The following PUM1 variants were observed in gnomAD, a reference collection of about 807,000 sequenced individuals.
PUM1 encodes the protein pumilio homolog 1.
In PUM1, 13 loss-of-function variants were observed where a neutral mutation model predicts 131.8. That is an observed-to-expected ratio of 0.10 (90% CI 0.06 to 0.16). The LOEUF is 0.16. Among genes scored for constraint, PUM1 ranks in the 10% least tolerant of loss-of-function variants. The pLI, the probability that PUM1 is intolerant of heterozygous loss-of-function variation, is 1.00. For synonymous variants in PUM1, 509 were observed against 556.5 expected (o/e 0.91, Z 1.20); for missense variants, 961 against 1,512.4 (o/e 0.64, Z 6.05).
rs370303854 is a variant in PUM1 at position 31,052,052 on chromosome 1, G to A, written c.363+7152C>T. On this transcript the variant is annotated intron_variant, in intron 2 of 21. Transcript: ENST00000426105. ...TTTGGAGACGGAGTCTTGCTCTGTC[G>A]CCCAGGCTGGAGGGCAGTGGTGCGA... 5.2e-4 allele frequency among the ~76,000 whole-genome samples: 79 copies of A among 151,782 alleles called. 1 individual carries two copies. Among genetic ancestry groups the A allele is most frequent in the African/African-American group, 1.8e-3 (73 of 41,370 alleles).
At chr1:30,936,331 G>A (rs1639209149) in intron 21 of PUM1, among the ~76,000 whole-genome samples, 1 of 152,198 alleles carries the variant, frequency 6.6e-6, no homozygotes, top group Admixed American at 6.5e-5. Flanking sequence ...GAACAGAAGG[G>A]AGGAGTGAGA....
At chr1:31,038,984 A>ATATATATATATATATATTT in intron 2 of PUM1, among the ~76,000 whole-genome samples, 7 of 49,404 alleles carry the variant, frequency 1.4e-4, no homozygotes, top group African/African-American at 4.1e-4. Flanking sequence ...ATATATATAT[A>ATATATATATATATATATTT]TTTTTTTTTT....
intron 3 of PUM1, among the ~76,000 whole-genome samples, chr1:31,024,775 C>T (rs921706607): frequency 5.9e-5 from 9 of 152,132 alleles, no homozygotes; most frequent in African/African-American, 9.7e-5. Flanking sequence ...TTTAAAAATC[C>T]ATCCTTTTCT....
In PUM1 at chr1:31,065,680, C is replaced by A; in HGVS notation, c.-76G>T. The A allele has an allele frequency of 1.9e-6, 3 of 1,549,810 alleles. No individual in the cohort carries two copies. The highest frequency in any genetic ancestry group is 1.2e-5 in the South Asian group (1 of 84,050). On this transcript the variant is annotated 5_prime_UTR_variant, in exon 1 of 22. Transcript: ENST00000426105. ...ATCTTCTCTCTCTGGCGCTCTCGCTCCCCCTTACCTTTCACTCCGACAACA... is the reference window on the plus strand; with the variant it reads ...ATCTTCTCTCTCTGGCGCTCTCGCTACCCCTTACCTTTCACTCCGACAACA...
At chr1:30,973,987 C>T (rs1318007207) in intron 10 of PUM1, among the ~76,000 whole-genome samples, 1 of 151,518 alleles carries the variant, frequency 6.6e-6, no homozygotes, top group East Asian at 1.9e-4. Context: ...ACTCAGGAGG[C>T]TAAGGCAGGA....
intron 2 of PUM1, among the ~76,000 whole-genome samples, chr1:31,047,998 T>C (rs1409784836): frequency 2.6e-5 from 4 of 151,410 alleles, no homozygotes; most frequent in African/African-American, 9.7e-5. Flanking sequence ...ACCAGCACTT[T>C]GGGAGGCCGA....
intron 1 of PUM1, among the ~76,000 whole-genome samples, chr1:31,063,535 G>A (rs1356373394): frequency 2.0e-5 from 3 of 151,942 alleles, no homozygotes; most frequent in African/African-American, 7.3e-5. Flanking sequence ...TTCCAGTGAT[G>A]GACACACAAA....
chr1:31,023,700 G>C (rs1285594042), intron 3 of PUM1, among the ~76,000 whole-genome samples: 4 of 152,086 alleles, frequency 2.6e-5, no homozygotes, highest in Non-Finnish European at 5.9e-5. Context: ...GGAAGCCAAG[G>C]TGGATGGATC....
chr1:30,964,225 A>C (rs754874935), intron 14 of PUM1, among the ~76,000 whole-genome samples: 31 of 152,214 alleles, frequency 2.0e-4, no homozygotes, highest in Non-Finnish European at 3.5e-4. Context: ...TAAAAATAAA[A>C]TGCTTTTTGT....
chr1:30,961,118 G>A (rs985232046), intron 14 of PUM1, among the ~76,000 whole-genome samples: 4 of 151,752 alleles, frequency 2.6e-5, no homozygotes, highest in Non-Finnish European at 4.4e-5. Flanking sequence ...CACTTGAACC[G>A]GGAGGCAGAA....
rs1174565063 is a variant in PUM1, at chr1:30,989,571, C to CAAAAAAAAAAAAAA, written c.1158+2805_1158+2818dup. ...TGGGCAAAAGAGTGAGACTCCGTCT[C>CAAAAAAAAAAAAAA]AAAAAAAAAAAAAAAAAAAAAAAAA... On this transcript the variant is annotated intron_variant, in intron 7 of 21. Transcript: ENST00000426105. 1.4e-3 allele frequency among the ~76,000 whole-genome samples: 40 copies of CAAAAAAAAAAAAAA among 27,706 alleles called. 3 individuals carry two copies. Among genetic ancestry groups the CAAAAAAAAAAAAAA allele is most frequent in the African/African-American group, 3.1e-3 (23 of 7,412 alleles). The allele number at this position is 27,706 out of a possible 152,430, so 18.2% of individuals were successfully genotyped here. A position where few individuals can be genotyped will look rare whatever the true frequency, so the allele number is the denominator to read the frequency against.
intron 3 of PUM1, among the ~76,000 whole-genome samples, chr1:31,020,608 G>A (rs985601466): frequency 1.3e-5 from 2 of 152,014 alleles, no homozygotes; most frequent in Admixed American, 6.6e-5. Flanking sequence ...CAAACAGCCC[G>A]ACTGAGATAA....
intron 2 of PUM1, among the ~76,000 whole-genome samples, chr1:31,044,882 T>C (rs1643915460): frequency 6.6e-6 from 1 of 152,180 alleles, no homozygotes; most frequent in South Asian, 2.1e-4. Context: ...CGATCTCGGC[T>C]TACTGCAACC....
Position 30,936,777 on chromosome 1 carries a change from C to T in PUM1, c.3301G>A (p.Asp1101Asn), listed in dbSNP as rs1335543720. The T allele has an allele frequency of 1.9e-6, 3 of 1,613,890 alleles. No individual in the cohort carries two copies. Among genetic ancestry groups the T allele is most frequent in the Admixed American group, 3.3e-5 (2 of 60,018 alleles). Residue 1101 changes from aspartate to asparagine, a missense_variant, in exon 21 of 22, where the codon GAT becomes AAT. Transcript: ENST00000426105. Reference protein sequence around the residue: ...ASRTERAVLIDEVCTMNDGPH... With the variant: ...ASRTERAVLINEVCTMNDGPH... ...CCGTCGTTCATGGTGCACACCTCAT[C>T]GATGAGCACAGCGCGCTCCGTACGT... is the stretch of plus-strand genomic sequence containing the variant.
chr1:31,048,112 G>A (rs1448135227), intron 2 of PUM1, among the ~76,000 whole-genome samples: 6 of 151,612 alleles, frequency 4.0e-5, no homozygotes, highest in East Asian at 3.9e-4. Flanking sequence ...GGTGGCGGGC[G>A]CCTATAGTCC....
intron 14 of PUM1, among the ~76,000 whole-genome samples, chr1:30,955,489 A>C (rs981154603): frequency 2.0e-4 from 30 of 151,890 alleles, no homozygotes; most frequent in South Asian, 1.5e-3. Context: ...CCAAACCAAA[A>C]CAAAACAAAA....
intron 2 of PUM1, among the ~76,000 whole-genome samples, chr1:31,047,740 C>T (rs1204279283): frequency 6.6e-6 from 1 of 152,074 alleles, no homozygotes; most frequent in Non-Finnish European, 1.5e-5. Context: ...GTCACGTGTT[C>T]GAGACATCCT....
At chr1:30,969,332 A>AAAAAAAAAAAG (rs1557560979) in intron 10 of PUM1, among the ~76,000 whole-genome samples, 1 of 135,276 alleles carries the variant, frequency 7.4e-6, no homozygotes, top group Non-Finnish European at 1.6e-5. Context: ...AAAAAAAAAA[A>AAAAAAAAAAAG]AAAAGAAAAA....
At chr1:31,028,433 T>C (rs1198979244) in intron 3 of PUM1, among the ~76,000 whole-genome samples, 3 of 49,298 alleles carry the variant, frequency 6.1e-5, no homozygotes. Context: ...GGGGGTGGGT[T>C]GGGGGAAAAC....
Sources: gnomAD v4.1 joint callset for allele counts (sites outside exome capture counted in the v4.1 genomes callset) on GRCh38, gnomAD v4.1.1 for gene constraint, MANE v1.5 for transcripts, NCBI Gene and HGNC (gene_info 2026-07-23, HGNC 2026-07-21) for gene names.